Variants in SERPINB5 observed in about 807,000 individuals in gnomAD.
SERPINB5 encodes the protein serpin family B member 5.
In SERPINB5, 27 loss-of-function variants were observed where a neutral mutation model predicts 32.2. That is an observed-to-expected ratio of 0.84 (90% CI 0.62 to 1.16). The LOEUF is 1.16. Among genes scored for constraint, SERPINB5 ranks in the 50% most tolerant of loss-of-function variants. SERPINB5 has a pLI of 0.00. For synonymous variants in SERPINB5, 154 were observed against 157.4 expected (o/e 0.98, Z 0.16); for missense variants, 388 against 436.3 (o/e 0.89, Z 0.99).
chr18:63,483,418 T>C (rs1917155931), intron 1 of SERPINB5, among the ~76,000 whole-genome samples: 1 of 152,232 alleles, frequency 6.6e-6, no homozygotes, highest in African/African-American at 2.4e-5. Context: ...TAAGTATTGT[T>C]ATGTGCTGGG....
At chr18:63,493,231 C>A in intron 5 of SERPINB5, 136 bp downstream of exon 5, 1 of 1,100,628 alleles carries the variant, frequency 9.1e-7, no homozygotes, top group Non-Finnish European at 1.4e-6. Context: ...CTGAGATGAA[C>A]AGCTGGAAGG....
At chr18:63,484,959 C>T (rs573808758) in intron 2 of SERPINB5, among the ~76,000 whole-genome samples, 5 of 151,796 alleles carry the variant, frequency 3.3e-5, no homozygotes, top group South Asian at 2.1e-4. Context: ...AGGCTGGTCT[C>T]GAACTCCTGA....
chr18:63,477,754 C>A (rs908441210), intron 1 of SERPINB5, among the ~76,000 whole-genome samples: 2 of 152,202 alleles, frequency 1.3e-5, no homozygotes, highest in African/African-American at 4.8e-5. Flanking sequence ...CTTATGGCTT[C>A]ATTTAAGCAT....
intron 1 of SERPINB5, among the ~76,000 whole-genome samples, chr18:63,478,592 GGC>G (rs1917073614): frequency 6.6e-6 from 1 of 151,976 alleles, no homozygotes; most frequent in African/African-American, 2.4e-5. Flanking sequence ...TGTGTTTTTT[GGC>G]ATTCCATTAC....
rs1156687727 is a variant in SERPINB5 at position 63,503,101 on chromosome 18, A to G, written c.736-229A>G. Among the ~76,000 whole-genome samples, 3 of 152,156 alleles carry G rather than the reference A, an allele frequency of 2.0e-5. No individual in the cohort carries two copies. The South Asian group carries it at 6.2e-4, about 32-fold the overall frequency. On this transcript the variant is annotated intron_variant, in intron 6 of 6. Coordinates refer to ENST00000382771, the MANE Select transcript of SERPINB5 (RefSeq NM_002639.5). The stretch of plus-strand genomic sequence containing the variant: ...TGAAAAAACAGAACCCTGTCCTCAT[A>G]AATTTCAGTGCACATGGAACACTGT...
intron 4 of SERPINB5, 115 bp from the exon 5 acceptor site, chr18:63,492,838 G>A: frequency 7.8e-7 from 1 of 1,274,258 alleles, no homozygotes; most frequent in Non-Finnish European, 1.1e-6. Flanking sequence ...GAACCATCAG[G>A]CCTTACATGG....
At chr18:63,501,964 A>G (rs1469641755) in intron 6 of SERPINB5, among the ~76,000 whole-genome samples, 3 of 151,920 alleles carry the variant, frequency 2.0e-5, no homozygotes, top group Admixed American at 6.6e-5. Flanking sequence ...AGATGAGTAG[A>G]TTGCAAAAAT....
chr18:63,484,670 A>G, intron 2 of SERPINB5, 74 bp downstream of exon 2: 1 of 1,395,558 alleles, frequency 7.2e-7, no homozygotes, highest in Non-Finnish European at 9.7e-7. Flanking sequence ...GCCTACGGAA[A>G]AAAGGAATGT....
chr18:63,492,578 GA>G (rs771084647), intron 4 of SERPINB5, among the ~76,000 whole-genome samples: 1 of 152,222 alleles, frequency 6.6e-6, no homozygotes, highest in African/African-American at 2.4e-5. Context: ...TATCATCCTT[GA>G]AAGTGACTTA....
At chr18:63,492,127 G>C (rs1909353902) in intron 4 of SERPINB5, among the ~76,000 whole-genome samples, 1 of 152,222 alleles carries the variant, frequency 6.6e-6, no homozygotes, top group African/African-American at 2.4e-5. Context: ...TAAAAAACCT[G>C]TGGGCTATTC....
intron 4 of SERPINB5, 136 bp from the exon 5 acceptor site, chr18:63,492,816 AT>A: frequency 9.3e-7 from 1 of 1,073,430 alleles, no homozygotes; most frequent in Non-Finnish European, 1.4e-6. Context: ...TCCTTCTGAA[AT>A]TTGATGGTTG....
At chr18:63,490,885 G>A (rs1283133130) in intron 4 of SERPINB5, among the ~76,000 whole-genome samples, 2 of 152,146 alleles carry the variant, frequency 1.3e-5, no homozygotes, top group African/African-American at 4.8e-5. Context: ...ACATGGATAA[G>A]CTCTTTAGTG....
intron 1 of SERPINB5, among the ~76,000 whole-genome samples, chr18:63,479,278 T>C (rs562515093): frequency 2.9e-4 from 44 of 152,318 alleles, no homozygotes; most frequent in Non-Finnish European, 4.9e-4. Context: ...GGGATGTATA[T>C]ATCCTACCCA....
intron 6 of SERPINB5, among the ~76,000 whole-genome samples, chr18:63,503,021 A>G (rs1265660298): frequency 6.6e-6 from 1 of 151,948 alleles, no homozygotes; most frequent in Admixed American, 6.6e-5. Context: ...AAGATTGTCT[A>G]AAAAAAACCC....
At chr18:63,491,587 G>A (rs1176064495) in intron 4 of SERPINB5, among the ~76,000 whole-genome samples, 4 of 151,152 alleles carry the variant, frequency 2.6e-5, no homozygotes, top group South Asian at 2.1e-4. Flanking sequence ...GGATTCTCCT[G>A]TCTCAGCCTC....
chr18:63,491,401 T>TCCC lies in SERPINB5; in HGVS notation c.425-1551_425-1549dup, dbSNP rs113730193. Among the ~76,000 whole-genome samples the TCCC allele has an allele frequency of 5.8e-4, 21 of 35,994 alleles. 1 individual carries two copies. The highest frequency in any genetic ancestry group is 7.1e-4 in the East Asian group (1 of 1,406). The allele number at this position is 35,994 out of a possible 152,430, so 23.6% of individuals were successfully genotyped here. On this transcript the variant is annotated intron_variant, in intron 4 of 6. Transcript: ENST00000382771. ...TGGGTGAGAAGAGAGAAACTGCGTCTCCCAAAAAAAAAAAAAAAAAAAAAA... is the reference window on the plus strand; with the variant it reads ...TGGGTGAGAAGAGAGAAACTGCGTCTCCCCCCAAAAAAAAAAAAAAAAAAAAAA...
At chr18:63,486,398 G>C (rs1917214683) in intron 2 of SERPINB5, among the ~76,000 whole-genome samples, 1 of 152,156 alleles carries the variant, frequency 6.6e-6, no homozygotes, top group Non-Finnish European at 1.5e-5. Flanking sequence ...ACAGACTCTG[G>C]CTAGAGGCAC....
chr18:63,481,865 C>G (rs974271326), intron 1 of SERPINB5, among the ~76,000 whole-genome samples: 6 of 152,158 alleles, frequency 3.9e-5, no homozygotes, highest in Admixed American at 6.5e-5. Context: ...TGTGATGTCA[C>G]CTGTAGGCCC....
chr18:63,480,771 G>A (rs8087830), intron 1 of SERPINB5, among the ~76,000 whole-genome samples: 5 of 152,178 alleles, frequency 3.3e-5, no homozygotes, highest in Admixed American at 6.5e-5. Flanking sequence ...CAGATTTACC[G>A]GGCAGTATTT....
Sources: allele counts gnomAD v4.1 joint callset (sites outside exome capture counted in the v4.1 genomes callset), GRCh38; gene constraint gnomAD v4.1.1; transcripts MANE v1.5; gene names NCBI Gene and HGNC (gene_info 2026-07-23, HGNC 2026-07-21).